The following NOS1 variants were observed in gnomAD, a reference collection of about 807,000 sequenced individuals.
NOS1 encodes nitric oxide synthase 1.
NOS1 carries 51 observed loss-of-function variants against 164.5 expected under a neutral mutation model. The observed-to-expected ratio is 0.31, with a 90% CI of 0.25 to 0.39. NOS1 has a LOEUF of 0.39. Ranked by LOEUF, NOS1 falls within the 10% of genes least tolerant of loss-of-function variation. The probability of loss-of-function intolerance (pLI) is 1.00; values close to 1 mark genes in which losing one functional copy is unlikely to be tolerated. For missense variants in NOS1, 1,362 were observed against 1,885.6 expected (o/e 0.72, Z 5.14); for synonymous variants, 719 against 745.8 (o/e 0.96, Z 0.59).
intron 1 of NOS1, among the ~76,000 whole-genome samples, chr12:117,358,824 C>A (rs766788408): frequency 1.4e-4 from 21 of 152,238 alleles, no homozygotes; most frequent in Admixed American, 7.9e-4. Flanking sequence ...CAAAGCCATG[C>A]CCCTGACCAT....
chr12:117,299,146 T>C (rs1183022813), intron 3 of NOS1, among the ~76,000 whole-genome samples: 2 of 152,184 alleles, frequency 1.3e-5, no homozygotes, highest in Non-Finnish European at 2.9e-5. Flanking sequence ...AAGCATAACC[T>C]GGTTACAAGC....
At chr12:117,220,824 C>T (rs1008094384) in intron 26 of NOS1, among the ~76,000 whole-genome samples, 5 of 152,128 alleles carry the variant, frequency 3.3e-5, no homozygotes, top group Admixed American at 6.5e-5. Context: ...GGGCACAAGG[C>T]GTGTCCAGTA....
chr12:117,340,763 T>A (rs1876062764), intron 1 of NOS1, among the ~76,000 whole-genome samples: 1 of 151,282 alleles, frequency 6.6e-6, no homozygotes, highest in South Asian at 2.1e-4. Flanking sequence ...CTTGCTCTGT[T>A]GCCCAGGCTG....
chr12:117,209,578 G>A lies in NOS1; in HGVS notation c.*5731C>T, dbSNP rs996721105. ...TTTTGGGCCAGACGGGCATAGCCCC[G>A]CTTGACCAGAACTGTTTGGGTATTT... On this transcript the variant is annotated 3_prime_UTR_variant, in exon 29 of 29. Transcript: ENST00000317775. The A allele has an allele frequency of 1.7e-5, 17 of 985,368 alleles. No homozygotes were observed. The South Asian group carries it at 1.9e-4, about 11-fold the overall frequency. 61.0% of individuals were successfully genotyped at this position (985,368 alleles called of 1,614,324 possible). A position where few individuals can be genotyped will look rare whatever the true frequency, so the allele number is the denominator to read the frequency against.
intron 1 of NOS1, among the ~76,000 whole-genome samples, chr12:117,332,240 A>C (rs1875583316): frequency 6.6e-6 from 1 of 152,186 alleles, no homozygotes; most frequent in South Asian, 2.1e-4. Context: ...CACGGCAGAC[A>C]CTTTTTGAGC....
intron 16 of NOS1, among the ~76,000 whole-genome samples, chr12:117,257,257 A>AT (rs1235532321): frequency 4.6e-5 from 7 of 150,966 alleles, no homozygotes; most frequent in African/African-American, 1.2e-4. Context: ...CTAATTTTTA[A>AT]TTTTTTTGTA....
Position 117,234,698 on chromosome 12 carries a change from A to T in NOS1, c.3102T>A (p.Pro1034=). 3 of 1,614,144 alleles carry T rather than the reference A, an allele frequency of 1.9e-6. No individual in the cohort carries two copies. The South Asian group carries it at 3.3e-5, about 18-fold the overall frequency. ...CAGGGAAGACACCCAGGTGGTCCCC[A>T]GGCTGGTACTGCAGCTCCTGGCTCC... The part of the protein sequence containing the change: ...TNGSQELQYQ[P]GDHLGVFPGN... The change falls in exon 21 of 29, where the codon CCT becomes CCA. Residue 1034 remains proline, a synonymous_variant. Transcript: ENST00000317775. The surrounding 1 kb of genome is among the most constrained non-coding windows in gnomAD (Gnocchi z 4.3).
chr12:117,251,994 A>G (rs2135966799), intron 17 of NOS1, among the ~76,000 whole-genome samples: 1 of 152,200 alleles, frequency 6.6e-6, no homozygotes, highest in Non-Finnish European at 1.5e-5. Context: ...TGGCTTCCCA[A>G]AGTGCTGGGA....
At chr12:117,288,335 A>G in intron 4 of NOS1, 116 bp from the exon 5 acceptor site, 1 of 949,976 alleles carries the variant, frequency 1.1e-6, no homozygotes, top group Non-Finnish European at 1.6e-6. Context: ...TAATTCCCAG[A>G]GGCAGTTTCT....
intron 15 of NOS1, 125 bp from the exon 16 acceptor site, chr12:117,258,580 G>A (rs1871645986): frequency 4.3e-6 from 4 of 929,732 alleles, no homozygotes; most frequent in Non-Finnish European, 5.2e-6. Flanking sequence ...AGGATGTCAG[G>A]AGCGGTCAGG....
chr12:117,344,991 A>C lies in NOS1; in HGVS notation c.-420-13502T>G, dbSNP rs116191521. ...AGATCAAACGCGGGCTATTATGATT[A>C]ATTCTTGCTTGCTTGCTTGGTTGCT... On this transcript the variant is annotated intron_variant, in intron 1 of 28. Coordinates refer to ENST00000317775, the MANE Select transcript of NOS1 (RefSeq NM_000620.5). Among the ~76,000 whole-genome samples the C allele has an allele frequency of 6.8e-3, 1,020 of 151,110 alleles. 10 individuals are homozygous for C. Among genetic ancestry groups the C allele is most frequent in the African/African-American group, 0.023 (965 of 41,144 alleles).
chr12:117,309,286 T>C, intron 3 of NOS1: 4 of 927,040 alleles, frequency 4.3e-6, no homozygotes, highest in Non-Finnish European at 5.1e-6. Context: ...TAGAGGGACA[T>C]TCAGCTAGTG....
intron 2 of NOS1, among the ~76,000 whole-genome samples, chr12:117,322,018 C>CTCTCTCCTTCCTTCCCTCCT (rs1566075343): frequency 4.6e-5 from 2 of 43,778 alleles, no homozygotes; most frequent in East Asian, 4.9e-4. Context: ...CCTTCCCTCC[C>CTCTCTCCTTCCTTCCCTCCT]TCTCTCCTTC....
chr12:117,232,119 T>C lies in NOS1; in HGVS notation c.3248A>G (p.Asn1083Ser), dbSNP rs1869289497. The change falls in exon 22 of 29, where the codon AAC becomes AGC. Residue 1083 changes from asparagine to serine, a missense_variant. By Grantham distance (46) the Asn-to-Ser change is conservative (BLOSUM62 1). Around this residue, in one of 4 missense-constraint regions of NOS1, gnomAD observed 737 missense variants for 1,030.3 expected, o/e 0.72. Coordinates refer to ENST00000317775, the MANE Select transcript of NOS1 (RefSeq NM_000620.5). ...ERNTALGVIS[N>S]WTDELRLPPC... Reference sequence around the variant, plus strand: ...CGGGAGGCGGAGCTCGTCTGTCCAGTTACTGATGACACCTGTGGAGGTACA... The same window carrying C: ...CGGGAGGCGGAGCTCGTCTGTCCAGCTACTGATGACACCTGTGGAGGTACA... 1.2e-6 allele frequency: 2 copies of C among 1,611,730 alleles called. No homozygotes were observed. Among genetic ancestry groups the C allele is most frequent in the African/African-American group, 2.7e-5 (2 of 74,916 alleles).
Position 117,268,033 on chromosome 12 carries a change from C to T in NOS1, c.1941+10G>A. 1 of 1,598,068 alleles carries T rather than the reference C, an allele frequency of 6.3e-7. No homozygotes were observed. Among genetic ancestry groups the T allele is most frequent in the Non-Finnish European group, 8.6e-7 (1 of 1,165,996 alleles). ...AAGCTTGACCCTGGTGGTGCGGGCC[C>T]TGGTGTTACCTGGAAGCTATAGAGA... On this transcript the variant is annotated intron_variant, in intron 11 of 28. Transcript: ENST00000317775.
At chr12:117,327,245 G>A (rs886337409) in intron 2 of NOS1, among the ~76,000 whole-genome samples, 3 of 151,500 alleles carry the variant, frequency 2.0e-5, no homozygotes, top group African/African-American at 7.4e-5. Flanking sequence ...AGGAGAGGGA[G>A]CACTGAGGGA....
intron 2 of NOS1, among the ~76,000 whole-genome samples, chr12:117,313,931 GC>G (rs1439089882): frequency 2.0e-5 from 3 of 152,254 alleles, no homozygotes; most frequent in African/African-American, 7.2e-5. Context: ...ATTAAGACTG[GC>G]CCTTGTCTTG....
At chr12:117,220,709 T>C (rs1384658518) in intron 26 of NOS1, among the ~76,000 whole-genome samples, 1 of 152,110 alleles carries the variant, frequency 6.6e-6, no homozygotes, top group Non-Finnish European at 1.5e-5. Flanking sequence ...CCTGGGCCGA[T>C]AGCAAGAGAT....
At chr12:117,247,288 C>T in intron 18 of NOS1, 60 bp downstream of exon 18, 5 of 1,358,700 alleles carry the variant, frequency 3.7e-6, no homozygotes, top group Non-Finnish European at 5.0e-6. Context: ...GGTTTAGGTG[C>T]TGTCTTTGGG....
Sources: allele counts gnomAD v4.1 joint callset (sites outside exome capture counted in the v4.1 genomes callset), GRCh38; gene constraint gnomAD v4.1.1; regional missense constraint gnomAD v4.1.1; non-coding constraint Gnocchi (gnomAD v3.1); transcripts MANE v1.5; gene names NCBI Gene and HGNC (gene_info 2026-07-23, HGNC 2026-07-21).